RIC1: variants seen among roughly 807,000 people sequenced by gnomAD.
The protein encoded by RIC1 is RIC1 partner of RAB6A GEF complex, also known as guanine nucleotide exchange factor subunit RIC1.
A neutral mutation model predicts 169.0 loss-of-function variants in RIC1; 88 were observed. The observed-to-expected ratio is 0.52, with a 90% CI of 0.44 to 0.62. The LOEUF (loss-of-function observed/expected upper bound fraction) is 0.62. RIC1 is among the 20% of genes least tolerant of loss of function. The pLI, the probability that RIC1 is intolerant of heterozygous loss-of-function variation, is 0.00. For missense variants in RIC1, 1,877 were observed against 1,725.5 expected (o/e 1.09, Z -1.56); for synonymous variants, 790 against 601.5 (o/e 1.31, Z -4.59).
rs191906025 is a variant in RIC1 at position 5,766,055 on chromosome 9, T to G, written c.3137+257T>G. ...GTACCTGTTCTGAATGTAACAAACTTGTTTAAGACAGAGTCTCACTCTGTC... is the reference window on the plus strand; with the variant it reads ...GTACCTGTTCTGAATGTAACAAACTGGTTTAAGACAGAGTCTCACTCTGTC... On this transcript the variant is annotated intron_variant, in intron 21 of 25. Transcript: ENST00000414202. Among the ~76,000 whole-genome samples the G allele has an allele frequency of 2.3e-4, 35 of 152,040 alleles. 1 individual carries two copies. The East Asian group carries it at 4.3e-3, about 18-fold the overall frequency.
intron 1 of RIC1, among the ~76,000 whole-genome samples, chr9:5,640,687 C>T (rs368971525): frequency 1.3e-5 from 2 of 152,162 alleles, no homozygotes; most frequent in African/African-American, 2.4e-5. Flanking sequence ...CTATTACCAG[C>T]GAGTTGTACC....
rs1824882240 is a variant in RIC1, at chr9:5,738,583, T to G, written c.901+45T>G. The G allele has an allele frequency of 6.9e-6, 8 of 1,162,104 alleles. No individual in the cohort carries two copies. The East Asian group carries it at 2.0e-4, about 29-fold the overall frequency. The allele number at this position is 1,162,104 out of a possible 1,614,324, so 72.0% of individuals were successfully genotyped here. A position where few individuals can be genotyped will look rare whatever the true frequency, so the allele number is the denominator to read the frequency against. On this transcript the variant is annotated intron_variant, in intron 8 of 25. Coordinates refer to ENST00000414202, the MANE Select transcript of RIC1 (RefSeq NM_020829.4). The stretch of plus-strand genomic sequence containing the variant: ...TTTTTTTTTAACATTTTTAATGTAC[T>G]GGTATTGCCATTTGTAGCAGATGCT...
intron 8 of RIC1, among the ~76,000 whole-genome samples, chr9:5,738,899 C>T (rs1275070426): frequency 6.6e-6 from 1 of 152,160 alleles, no homozygotes; most frequent in Non-Finnish European, 1.5e-5. Flanking sequence ...CTGTCCATTA[C>T]AGTAGCTACG....
At chr9:5,754,199 A>AAC (rs142979477) in intron 14 of RIC1, among the ~76,000 whole-genome samples, 2,099 of 151,540 alleles carry the variant, frequency 0.014, 25 homozygotes, top group African/African-American at 0.025. Flanking sequence ...TTTTGATGTA[A>AAC]ACACACACAC....
intron 3 of RIC1, 52 bp from the exon 4 acceptor site, chr9:5,713,844 A>C: frequency 1.6e-6 from 2 of 1,260,158 alleles, no homozygotes; most frequent in Non-Finnish European, 2.3e-6. Flanking sequence ...TATTAGCCAC[A>C]GAATGGAGGC....
At chr9:5,741,595 A>G (rs1001556121) in intron 8 of RIC1, among the ~76,000 whole-genome samples, 4 of 152,052 alleles carry the variant, frequency 2.6e-5, no homozygotes, top group African/African-American at 9.7e-5. Context: ...CTGTCCATCA[A>G]GTTCTTAATT....
intron 3 of RIC1, among the ~76,000 whole-genome samples, chr9:5,695,542 G>C (rs1241840362): frequency 1.4e-5 from 2 of 146,838 alleles, no homozygotes; most frequent in African/African-American, 2.5e-5. Context: ...TTTAGGTCTT[G>C]TCACTTTTCT....
chr9:5,747,562 A>G, intron 12 of RIC1, 57 bp downstream of exon 12: 2 of 1,406,720 alleles, frequency 1.4e-6, no homozygotes, highest in South Asian at 2.3e-5. Context: ...TATCACCTGG[A>G]ACAGATTATT....
chr9:5,740,414 A>G (rs923628558), intron 8 of RIC1, among the ~76,000 whole-genome samples: 2 of 152,014 alleles, frequency 1.3e-5, no homozygotes, highest in Non-Finnish European at 2.9e-5. Flanking sequence ...CCTGGTACCA[A>G]TATCTGTATT....
chr9:5,684,262 C>T (rs568933300), intron 2 of RIC1, among the ~76,000 whole-genome samples: 2 of 83,200 alleles, frequency 2.4e-5, no homozygotes, highest in African/African-American at 8.9e-5. Flanking sequence ...CCTATTTGGC[C>T]ATCTTGGCTC....
chr9:5,662,467 G>T (rs202211820), intron 2 of RIC1, among the ~76,000 whole-genome samples: 9 of 145,566 alleles, frequency 6.2e-5, no homozygotes, highest in Non-Finnish European at 1.2e-4. Context: ...TCCTGGGCTG[G>T]TTTTTTTTTT....
At chr9:5,734,010 A>G (rs1180012410) in intron 7 of RIC1, among the ~76,000 whole-genome samples, 1 of 147,938 alleles carries the variant, frequency 6.8e-6, no homozygotes, top group East Asian at 1.9e-4. Context: ...TTCAGTTTTT[A>G]AAAATATACA....
intron 1 of RIC1, among the ~76,000 whole-genome samples, chr9:5,637,177 A>T (rs763806785): frequency 2.6e-4 from 40 of 152,112 alleles, no homozygotes; most frequent in Non-Finnish European, 5.1e-4. Flanking sequence ...GTCCTGCTTC[A>T]GCCTCCCAAG....
chr9:5,666,771 G>C (rs925814175), intron 2 of RIC1, among the ~76,000 whole-genome samples: 1 of 150,880 alleles, frequency 6.6e-6, no homozygotes, highest in South Asian at 2.1e-4. Context: ...GAGGACTTTT[G>C]CATCTGTATT....
At chr9:5,750,845 C>G (rs1456970183) in intron 12 of RIC1, among the ~76,000 whole-genome samples, 1 of 151,588 alleles carries the variant, frequency 6.6e-6, no homozygotes, top group African/African-American at 2.4e-5. Flanking sequence ...GCTCAGAGTT[C>G]AGATGACACA....
chr9:5,744,193 C>A (rs1168077357), intron 10 of RIC1, among the ~76,000 whole-genome samples: 3 of 152,024 alleles, frequency 2.0e-5, no homozygotes, highest in African/African-American at 7.2e-5. Context: ...CCCCTGTCAT[C>A]TTTATGATGA....
At chr9:5,670,863 G>A (rs1250824296) in intron 2 of RIC1, among the ~76,000 whole-genome samples, 1 of 152,134 alleles carries the variant, frequency 6.6e-6, no homozygotes, top group Non-Finnish European at 1.5e-5. Flanking sequence ...GGTGGGGCAG[G>A]GAATGGGTGC....
intron 3 of RIC1, among the ~76,000 whole-genome samples, chr9:5,695,653 A>G (rs916523985): frequency 4.7e-5 from 7 of 149,860 alleles, no homozygotes; most frequent in Admixed American, 2.7e-4. Flanking sequence ...GCTCCCTGCA[A>G]TCTCCGCCTT....
chr9:5,715,395 G>A (rs570684485), intron 4 of RIC1, among the ~76,000 whole-genome samples: 17 of 152,264 alleles, frequency 1.1e-4, no homozygotes, highest in African/African-American at 4.1e-4. Context: ...AACCTGTCAG[G>A]TGCTAGGTTT....
Sources: allele counts gnomAD v4.1 joint callset (sites outside exome capture counted in the v4.1 genomes callset), GRCh38; gene constraint gnomAD v4.1.1; transcripts MANE v1.5; gene names NCBI Gene and HGNC (gene_info 2026-07-23, HGNC 2026-07-21).